CCDC30: variants seen among roughly 807,000 people sequenced by gnomAD.
CCDC30 encodes the protein coiled-coil domain-containing protein 30.
CCDC30 carries 70 observed loss-of-function variants against 100.2 expected under a neutral mutation model. The observed-to-expected ratio is 0.70, with a 90% CI of 0.58 to 0.85. The LOEUF is 0.85. CCDC30 is among the 40% of genes least tolerant of loss of function. The pLI, the probability that CCDC30 is intolerant of heterozygous loss-of-function variation, is 0.00. For synonymous variants in CCDC30, 233 were observed against 269.5 expected, an observed-to-expected ratio of 0.86 and a Z score of 1.33; for missense variants, 652 against 771.2, an observed-to-expected ratio of 0.85 and a Z score of 1.83.
chr1:42,516,043 T>C (rs890378684), intron 6 of CCDC30, among the ~76,000 whole-genome samples: 1 of 152,256 alleles, frequency 6.6e-6, no homozygotes, highest in Non-Finnish European at 1.5e-5. Context: ...CTTTAAATTC[T>C]TTGGGGTATA....
chr1:42,491,265 C>A (rs972580255), intron 4 of CCDC30, among the ~76,000 whole-genome samples: 5 of 152,142 alleles, frequency 3.3e-5, no homozygotes, highest in Admixed American at 6.5e-5. Context: ...AATACACATT[C>A]TTTTCATATA....
At chr1:42,551,093 C>T (rs1397265813) in intron 6 of CCDC30, among the ~76,000 whole-genome samples, 2 of 152,154 alleles carry the variant, frequency 1.3e-5, no homozygotes, top group African/African-American at 4.8e-5. Context: ...AATGCCTTTA[C>T]ATTTTACTTC....
intron 6 of CCDC30, among the ~76,000 whole-genome samples, chr1:42,532,433 T>C (rs953497374): frequency 3.3e-5 from 5 of 152,236 alleles, no homozygotes; most frequent in Non-Finnish European, 5.9e-5. Flanking sequence ...GACAGACTTA[T>C]CACTAAATAG....
chr1:42,634,249 C>CAAAAAAAAAAAAAAAAA (rs754829759), intron 11 of CCDC30, among the ~76,000 whole-genome samples: 1 of 115,316 alleles, frequency 8.7e-6, no homozygotes, highest in African/African-American at 3.3e-5. Flanking sequence ...AAGACTGTCT[C>CAAAAAAAAAAAAAAAAA]AAAAAAAAAA....
chr1:42,458,792 A>T (rs374110717), upstream of CCDC30, among the ~76,000 whole-genome samples: 99 of 152,316 alleles, frequency 6.5e-4, no homozygotes, highest in Admixed American at 1.1e-3. Context: ...GGGATTGGGG[A>T]TGAGGTACTA....
Position 42,539,328 on chromosome 1 carries a change from A to G in CCDC30, c.457-26968A>G. 4.4e-6 allele frequency: 7 copies of G among 1,580,432 alleles called. No homozygotes were observed. The highest frequency in any genetic ancestry group is 6.0e-6 in the Non-Finnish European group (7 of 1,165,352). On this transcript the variant is annotated intron_variant, in intron 6 of 16. Coordinates refer to ENST00000668663, the Ensembl canonical transcript of CCDC30. ...AAACAAAGGTGAGACTGAGTTAGGT[A>G]TTTAAATGTTCAATATTTAATGTAG...
chr1:42,652,556 A>G lies in CCDC30; in HGVS notation c.1855-820A>G, dbSNP rs575136924. On this transcript the variant is annotated intron_variant, in intron 15 of 16. Transcript: ENST00000668663. ...CAATATCCAAGAGAAATAAAAATAT[A>G]TGTCCTACCAGAAACTTGTAGATAA... 9.5e-4 allele frequency among the ~76,000 whole-genome samples: 145 copies of G among 152,348 alleles called. 1 individual carries two copies. The highest frequency in any genetic ancestry group is 3.4e-3 in the Middle Eastern group (1 of 294).
At chr1:42,577,471 TAAAG>T (rs148088149) in intron 8 of CCDC30, among the ~76,000 whole-genome samples, 2,648 of 152,296 alleles carry the variant, frequency 0.017, 73 homozygotes, top group African/African-American at 0.06. Flanking sequence ...AACATGAACT[TAAAG>T]AACTGACTGA....
chr1:42,635,580 C>T (rs1039010994), intron 11 of CCDC30, among the ~76,000 whole-genome samples: 12 of 151,880 alleles, frequency 7.9e-5, no homozygotes, highest in South Asian at 4.2e-4. Context: ...GAGGCCAAGG[C>T]GGGCAGATCA....
chr1:42,614,320 TCCACCCGCCTCGG>T (rs912462142), intron 11 of CCDC30, among the ~76,000 whole-genome samples: 4 of 151,782 alleles, frequency 2.6e-5, no homozygotes, highest in African/African-American at 4.8e-5. Context: ...GACCTCGTGA[TCCACCCGCCTCGG>T]CCTCCCAAAG....
At chr1:42,588,990 G>A (rs1388404141) in intron 9 of CCDC30, among the ~76,000 whole-genome samples, 3 of 151,994 alleles carry the variant, frequency 2.0e-5, no homozygotes, top group South Asian at 2.1e-4. Context: ...GGCTCAACTC[G>A]TAAAGCAGTA....
chr1:42,516,770 C>A (rs1347624867), intron 6 of CCDC30, among the ~76,000 whole-genome samples: 1 of 152,038 alleles, frequency 6.6e-6, no homozygotes, highest in Admixed American at 6.5e-5. Flanking sequence ...ACCCCCTTTT[C>A]TTTATAAATT....
intron 6 of CCDC30, chr1:42,537,666 A>G (rs992010884): frequency 5.6e-6 from 1 of 179,416 alleles, no homozygotes; most frequent in Non-Finnish European, 1.2e-5. Flanking sequence ...CAATGTAAAA[A>G]TCTGTTAAAA....
At chr1:42,514,727 C>T (rs747746954) in intron 6 of CCDC30, among the ~76,000 whole-genome samples, 1 of 152,170 alleles carries the variant, frequency 6.6e-6, no homozygotes, top group Non-Finnish European at 1.5e-5. Context: ...GATCTCAGCT[C>T]ACTGCAACCT....
At chr1:42,482,039 A>G (rs954357270) in intron 2 of CCDC30, among the ~76,000 whole-genome samples, 1 of 152,092 alleles carries the variant, frequency 6.6e-6, no homozygotes, top group African/African-American at 2.4e-5. Context: ...CAACATGGTG[A>G]CATCCCATCT....
At chr1:42,591,819 G>C (rs1439894904) in intron 10 of CCDC30, 2 of 152,406 alleles carry the variant, frequency 1.3e-5, no homozygotes, top group Non-Finnish European at 2.9e-5. Flanking sequence ...AGCCACAGGG[G>C]CTGCTGCCTG....
chr1:42,545,698 G>A, intron 6 of CCDC30, 119 bp downstream of exon 9: 1 of 829,410 alleles, frequency 1.2e-6, no homozygotes, highest in South Asian at 1.8e-5. Flanking sequence ...TGTAATCCCA[G>A]CACTTCGGGA....
At chr1:42,496,159 GTA>G (rs1644229908) in intron 4 of CCDC30, among the ~76,000 whole-genome samples, 1 of 132,886 alleles carries the variant, frequency 7.5e-6, no homozygotes, top group African/African-American at 2.7e-5. Context: ...GTGTGTGTGT[GTA>G]CTCACAGGAC....
intron 11 of CCDC30, among the ~76,000 whole-genome samples, chr1:42,620,582 CAAAA>C (rs201850758): frequency 9.2e-6 from 1 of 108,608 alleles, no homozygotes. Context: ...ATATGAGGGG[CAAAA>C]AAAAAAAAAA....
Sources: gnomAD v4.1 joint callset for allele counts (sites outside exome capture counted in the v4.1 genomes callset) on GRCh38, gnomAD v4.1.1 for gene constraint, MANE v1.5 for transcripts, NCBI Gene and HGNC (gene_info 2026-07-23, HGNC 2026-07-21) for gene names.